ANKS1B: variants seen among roughly 807,000 people sequenced by gnomAD.
The protein encoded by ANKS1B is ankyrin repeat and sterile alpha motif domain containing 1B.
A neutral mutation model predicts 148.3 loss-of-function variants in ANKS1B; 36 were observed. The observed-to-expected ratio is 0.24, with a 90% CI of 0.19 to 0.32. The LOEUF (loss-of-function observed/expected upper bound fraction) is 0.32, where lower values mean the gene tolerates loss of function less well. Among genes scored for constraint, ANKS1B ranks in the 10% least tolerant of loss-of-function variants. ANKS1B has a pLI of 1.00. For missense variants in ANKS1B, 1,157 were observed against 1,542.6 expected, an observed-to-expected ratio of 0.75 and a Z score of 4.19; for synonymous variants, 542 against 560.8, an observed-to-expected ratio of 0.97 and a Z score of 0.47.
At chr12:99,248,759 T>A (rs2074200763) in intron 12 of ANKS1B, among the ~76,000 whole-genome samples, 1 of 152,146 alleles carries the variant, frequency 6.6e-6, no homozygotes, top group Non-Finnish European at 1.5e-5. Context: ...TAAGCTGAGA[T>A]TCAAATTAAG....
chr12:99,448,772 G>T (rs1347476369), intron 10 of ANKS1B, among the ~76,000 whole-genome samples: 1 of 151,970 alleles, frequency 6.6e-6, no homozygotes, highest in African/African-American at 2.4e-5. Flanking sequence ...AATCAAGAAT[G>T]ACTCTAAGGC....
chr12:99,945,354 A>ACCAG (rs2095035020), intron 1 of ANKS1B, among the ~76,000 whole-genome samples: 1 of 22,822 alleles, frequency 4.4e-5, no homozygotes, highest in South Asian at 6.7e-4. Context: ...GTAAAACCAG[A>ACCAG]AAAAAAAAAA....
intron 12 of ANKS1B, among the ~76,000 whole-genome samples, chr12:99,252,301 C>T (rs1422788091): frequency 6.6e-6 from 1 of 152,100 alleles, no homozygotes; most frequent in African/African-American, 2.4e-5. Flanking sequence ...ATCAGAGATG[C>T]AGGTAGGAAT....
intron 17 of ANKS1B, among the ~76,000 whole-genome samples, chr12:98,838,206 T>C (rs532329872): frequency 6.6e-6 from 1 of 152,348 alleles, no homozygotes; most frequent in East Asian, 1.9e-4. Context: ...TGCTCCTTTC[T>C]GGATAGCAAA....
chr12:98,742,486 C>T (rs951484901), downstream of ANKS1B, among the ~76,000 whole-genome samples: 1 of 152,218 alleles, frequency 6.6e-6, no homozygotes, highest in Non-Finnish European at 1.5e-5. Context: ...GAATGACCAT[C>T]TTTGCAGAAG....
intron 10 of ANKS1B, among the ~76,000 whole-genome samples, chr12:99,496,335 C>T (rs188131301): frequency 2.0e-5 from 3 of 152,314 alleles, no homozygotes; most frequent in Non-Finnish European, 4.4e-5. Context: ...ACTGCCATTA[C>T]AGCCATTTTC....
chr12:99,705,439 T>A (rs1268457642), intron 8 of ANKS1B, among the ~76,000 whole-genome samples: 2 of 152,098 alleles, frequency 1.3e-5, no homozygotes, highest in Non-Finnish European at 2.9e-5. Context: ...AGGAAAGATC[T>A]AAAGATGCTG....
chr12:99,860,700 G>A (rs1158727317), intron 1 of ANKS1B, among the ~76,000 whole-genome samples: 1 of 152,156 alleles, frequency 6.6e-6, no homozygotes, highest in Admixed American at 6.5e-5. Context: ...AAACCTGTAA[G>A]AGGAATTGGG....
intron 9 of ANKS1B, among the ~76,000 whole-genome samples, chr12:99,589,783 A>T (rs2097681191): frequency 6.6e-6 from 1 of 152,178 alleles, no homozygotes; most frequent in African/African-American, 2.4e-5. Context: ...AGTTAACAAT[A>T]ATTTATAGCA....
At chr12:99,591,546 A>AG (rs35982308) in intron 9 of ANKS1B, among the ~76,000 whole-genome samples, 61,864 of 151,826 alleles carry the variant, frequency 0.41, 12,712 homozygotes, top group South Asian at 0.47. Flanking sequence ...AGTAGCTTCT[A>AG]GGGTAACTAT....
intron 4 of ANKS1B, among the ~76,000 whole-genome samples, chr12:99,785,603 T>C (rs1163085975): frequency 6.6e-6 from 1 of 152,018 alleles, no homozygotes; most frequent in Non-Finnish European, 1.5e-5. Context: ...CAGCTAATTT[T>C]TGTATGTTTA....
intron 14 of ANKS1B, among the ~76,000 whole-genome samples, chr12:99,184,843 T>A (rs1014948468): frequency 3.3e-5 from 5 of 152,182 alleles, no homozygotes; most frequent in African/African-American, 1.2e-4. Context: ...AGGTTTCGTA[T>A]TTCTAAAATG....
chr12:99,142,126 C>T (rs765687877), intron 15 of ANKS1B, among the ~76,000 whole-genome samples: 3 of 151,260 alleles, frequency 2.0e-5, no homozygotes, highest in Non-Finnish European at 4.4e-5. Context: ...CCTGAGGGTA[C>T]AGGCGGAAGC....
chr12:99,556,407 T>C (rs73381503), intron 9 of ANKS1B, among the ~76,000 whole-genome samples: 2 of 151,794 alleles, frequency 1.3e-5, no homozygotes, highest in African/African-American at 2.4e-5. Context: ...TGATTTTTTT[T>C]GGGGGGGAGC....
intron 8 of ANKS1B, among the ~76,000 whole-genome samples, chr12:99,689,515 G>A (rs1181124152): frequency 6.6e-6 from 1 of 152,182 alleles, no homozygotes; most frequent in Non-Finnish European, 1.5e-5. Flanking sequence ...TCACTCTTGT[G>A]ATTATGTTAT....
At chr12:98,963,887 G>T (rs1000092796) in intron 17 of ANKS1B, among the ~76,000 whole-genome samples, 2 of 152,070 alleles carry the variant, frequency 1.3e-5, no homozygotes, top group Non-Finnish European at 2.9e-5. Flanking sequence ...ATCACCTGAG[G>T]TCAGGAGATG....
At chr12:99,184,297 AAAG>A (rs1323925971) in intron 14 of ANKS1B, among the ~76,000 whole-genome samples, 6 of 152,240 alleles carry the variant, frequency 3.9e-5, no homozygotes, top group African/African-American at 1.4e-4. Context: ...ATAGACTATT[AAAG>A]AAGTGGGAGG....
chr12:99,222,877 G>A (rs1388408909), intron 14 of ANKS1B, among the ~76,000 whole-genome samples: 1 of 152,116 alleles, frequency 6.6e-6, no homozygotes, highest in East Asian at 1.9e-4. Flanking sequence ...TTACTCTTGG[G>A]ACTTGGAAAA....
At chr12:99,777,819 CGTG>C (rs2063814769) in intron 6 of ANKS1B, among the ~76,000 whole-genome samples, 2 of 151,644 alleles carry the variant, frequency 1.3e-5, no homozygotes, top group Admixed American at 6.6e-5. Flanking sequence ...CTCCTGACCT[CGTG>C]ATCCACCCAC....
Sources: allele counts gnomAD v4.1 joint callset (sites outside exome capture counted in the v4.1 genomes callset), GRCh38; gene constraint gnomAD v4.1.1; transcripts MANE v1.5; gene names NCBI Gene and HGNC (gene_info 2026-07-23, HGNC 2026-07-21).